Variants in GXYLT1 observed in about 807,000 individuals in gnomAD.
The protein encoded by GXYLT1 is glucoside xylosyltransferase 1.
A neutral mutation model predicts 54.0 loss-of-function variants in GXYLT1; 29 were observed. The ratio of observed to expected loss-of-function variants is 0.54; its 90% confidence interval spans 0.40 to 0.73. GXYLT1 has a LOEUF of 0.73. Ranked by LOEUF, GXYLT1 falls within the 30% of genes least tolerant of loss-of-function variation. The pLI, the probability that GXYLT1 is intolerant of heterozygous loss-of-function variation, is 0.00. For missense variants in GXYLT1, 490 were observed against 553.4 expected, an observed-to-expected ratio of 0.89 and a Z score of 1.15; for synonymous variants, 176 against 204.1, an observed-to-expected ratio of 0.86 and a Z score of 1.17.
intron 2 of GXYLT1, among the ~76,000 whole-genome samples, chr12:42,129,442 T>A (rs1313154402): frequency 1.3e-5 from 2 of 152,156 alleles, no homozygotes; most frequent in Non-Finnish European, 2.9e-5. Context: ...TATAGATATA[T>A]CTGTAAACGT....
intron 1 of GXYLT1, among the ~76,000 whole-genome samples, chr12:42,138,377 A>G (rs1049240121): frequency 1.3e-5 from 2 of 152,226 alleles, no homozygotes; most frequent in African/African-American, 4.8e-5. Context: ...TTAAATTTCT[A>G]ATTTCATTAA....
chr12:42,127,967 C>T (rs978184030), intron 2 of GXYLT1, among the ~76,000 whole-genome samples: 3 of 152,192 alleles, frequency 2.0e-5, no homozygotes, highest in Non-Finnish European at 4.4e-5. Flanking sequence ...TGAACCTATT[C>T]CCCACCAGTT....
intron 5 of GXYLT1, among the ~76,000 whole-genome samples, chr12:42,098,579 A>C (rs1311818759): frequency 6.6e-6 from 1 of 151,772 alleles, no homozygotes; most frequent in Non-Finnish European, 1.5e-5. Flanking sequence ...ATTGACAAAA[A>C]TCAAGGCTGC....
intron 3 of GXYLT1, among the ~76,000 whole-genome samples, chr12:42,114,549 C>T (rs573303875): frequency 1.1e-4 from 16 of 152,032 alleles, no homozygotes; most frequent in Non-Finnish European, 1.3e-4. Flanking sequence ...ATAAATTCCT[C>T]GACACATACA....
chr12:42,087,724 T>G lies in GXYLT1; in HGVS notation c.*62A>C. ...TTCCTGAATACTTCATCCAAGACGA[T>G]TCCTTCACACTTATCTTCTGATTCT... On this transcript the variant is annotated 3_prime_UTR_variant, in exon 8 of 8. Transcript: ENST00000398675. The G allele has an allele frequency of 8.2e-7, 1 of 1,218,456 alleles. No individual in the cohort carries two copies. Among genetic ancestry groups the G allele is most frequent in the Middle Eastern group, 2.7e-4 (1 of 3,654 alleles). The allele number at this position is 1,218,456 out of a possible 1,614,324, so 75.5% of individuals were successfully genotyped here.
intron 1 of GXYLT1, among the ~76,000 whole-genome samples, chr12:42,131,172 G>A (rs949184653): frequency 2.0e-5 from 3 of 152,106 alleles, no homozygotes; most frequent in Non-Finnish European, 2.9e-5. Flanking sequence ...GTTTTTCATC[G>A]TGATTTCTTT....
intron 2 of GXYLT1, among the ~76,000 whole-genome samples, chr12:42,126,321 C>T (rs1265453846): frequency 1.3e-5 from 2 of 152,058 alleles, no homozygotes; most frequent in African/African-American, 2.4e-5. Context: ...GCGATCGGCA[C>T]GCCTTGGCCT....
At position 42,082,626 on chromosome 12, in the gene GXYLT1, ACAC is replaced by A. The variant is rs1335260078; in HGVS notation, c.*5157_*5159del. 5 of 152,130 alleles carry A rather than the reference ACAC, an allele frequency of 3.3e-5. No individual in the cohort carries two copies. The highest frequency in any genetic ancestry group is 2.1e-4 in the South Asian group (1 of 4,812). 9.4% of individuals were successfully genotyped at this position (152,130 alleles called of 1,614,324 possible). A position where few individuals can be genotyped will look rare whatever the true frequency, so the allele number is the denominator to read the frequency against. ...CCTGTGTAGCTAGGACCGCAGGCAAACACCACCACATCTGGATAATTTTTTAAT... is the reference window on the plus strand; with the variant it reads ...CCTGTGTAGCTAGGACCGCAGGCAAACACCACATCTGGATAATTTTTTAAT... On this transcript the variant is annotated 3_prime_UTR_variant, in exon 8 of 8. Coordinates refer to ENST00000398675, the MANE Select transcript of GXYLT1 (RefSeq NM_173601.2).
chr12:42,138,300 A>C (rs2065632460), intron 1 of GXYLT1, among the ~76,000 whole-genome samples: 1 of 151,478 alleles, frequency 6.6e-6, no homozygotes, highest in African/African-American at 2.4e-5. Context: ...TAAATAAATA[A>C]ACAAACAAAC....
chr12:42,135,280 C>T (rs2065613447), intron 1 of GXYLT1, among the ~76,000 whole-genome samples: 1 of 152,176 alleles, frequency 6.6e-6, no homozygotes, highest in African/African-American at 2.4e-5. Flanking sequence ...CAAGCAAAGT[C>T]ATAGCCATAG....
At position 42,087,830 on chromosome 12, in the gene GXYLT1, T is replaced by C. The variant is rs1364283724; in HGVS notation, c.1279A>G (p.Lys427Glu). The C allele has an allele frequency of 8.1e-6, 13 of 1,606,946 alleles. No homozygotes were observed. The highest frequency in any genetic ancestry group is 1.1e-5 in the Non-Finnish European group (13 of 1,177,412). The change falls in exon 8 of 8, where the codon AAA becomes GAA. Residue 427 changes from lysine to glutamate, a missense_variant. Around this residue, in one of 2 missense-constraint regions of GXYLT1, gnomAD observed 342 missense variants for 342.6 expected, o/e 1.00. Transcript: ENST00000398675. ...IYKIFIKQLA[K>E]SVRDRYARSP... The stretch of plus-strand genomic sequence containing the variant: ...CTGGCATAACGATCTCTTACACTTT[T>C]TGCTAGTTGTTTGATAAATATTTTG...
At chr12:42,095,045 TAA>T (rs1443684450) in intron 7 of GXYLT1, among the ~76,000 whole-genome samples, 1 of 152,128 alleles carries the variant, frequency 6.6e-6, no homozygotes, top group Non-Finnish European at 1.5e-5. Flanking sequence ...CATAAATATA[TAA>T]AAAGATTAAA....
intron 1 of GXYLT1, among the ~76,000 whole-genome samples, chr12:42,132,830 G>C (rs543219436): frequency 1.3e-4 from 19 of 151,888 alleles, no homozygotes; most frequent in Admixed American, 1.2e-3. Context: ...ACAGACATGA[G>C]AATTAAATTC....
At chr12:42,128,861 G>A (rs2065578417) in intron 2 of GXYLT1, among the ~76,000 whole-genome samples, 2 of 151,934 alleles carry the variant, frequency 1.3e-5, no homozygotes, top group Admixed American at 6.6e-5. Flanking sequence ...AATTTGTAGA[G>A]ACAGGGTCTT....
intron 2 of GXYLT1, 76 bp from the exon 3 acceptor site, chr12:42,119,247 A>C (rs1409781980): frequency 7.9e-7 from 1 of 1,260,392 alleles, no homozygotes; most frequent in Non-Finnish European, 1.1e-6. Context: ...ATGCTCAAAA[A>C]GTGAAGCTCA....
Position 42,106,045 on chromosome 12 carries a change from G to A in GXYLT1, c.637C>T (p.Leu213=), listed in dbSNP as rs760689083. ...LPLILKEVDS[L]LYVDTDILFL... ...AGGATATCAGTGTCGACATACAATA[G>A]TGAGTCAACTTCTTTCAGGATTAAC... Residue 213 remains leucine (L), a synonymous_variant, in exon 5 of 8, where the codon CTA becomes TTA. Coordinates refer to ENST00000398675, the MANE Select transcript of GXYLT1 (RefSeq NM_173601.2). The A allele has an allele frequency of 6.2e-7, 1 of 1,607,356 alleles. No homozygotes were observed. Among genetic ancestry groups the A allele is most frequent in the South Asian group, 1.1e-5 (1 of 90,816 alleles).
In GXYLT1 at chr12:42,085,124, T is replaced by C. The variant is rs566548384; in HGVS notation, c.*2662A>G. 1 of 101,282 alleles carries C rather than the reference T, an allele frequency of 9.9e-6. No homozygotes were observed. Among genetic ancestry groups the C allele is most frequent in the South Asian group, 2.9e-4 (1 of 3,470 alleles). The allele number at this position is 101,282 out of a possible 1,614,324, so 6.3% of individuals were successfully genotyped here. On this transcript the variant is annotated 3_prime_UTR_variant, in exon 8 of 8. Transcript: ENST00000398675. ...TCAAAAGAATTACCTTGTCTAAAGATAAATTCAGAAAATTCATTTAAAAAT... is the reference window on the plus strand; with the variant it reads ...TCAAAAGAATTACCTTGTCTAAAGACAAATTCAGAAAATTCATTTAAAAAT...
In GXYLT1 at chr12:42,144,395, CCG is replaced by C; in HGVS notation, c.221+29_221+30del. ...GCCCGCGCCCAGCGCCCCGCGCCCGCCGCGTCCCCCACACCGGGAACTGCCCG... is the reference window on the plus strand; with the variant it reads ...GCCCGCGCCCAGCGCCCCGCGCCCGCCGTCCCCCACACCGGGAACTGCCCG... On this transcript the variant is annotated intron_variant, in intron 1 of 7. Coordinates refer to ENST00000398675, the MANE Select transcript of GXYLT1 (RefSeq NM_173601.2). The C allele has an allele frequency of 2.2e-6, 3 of 1,338,080 alleles. No individual in the cohort carries two copies. In the South Asian group the frequency reaches 4.6e-5, roughly 21 times the overall value. 82.9% of individuals were successfully genotyped at this position (1,338,080 alleles called of 1,614,324 possible).
rs1382516816 is a variant in GXYLT1 at position 42,082,528 on chromosome 12, G to A, written c.*5258C>T. The A allele has an allele frequency of 1.3e-5, 2 of 152,168 alleles. No homozygotes were observed. Among genetic ancestry groups the A allele is most frequent in the Non-Finnish European group, 2.9e-5 (2 of 68,056 alleles). 9.4% of individuals were successfully genotyped at this position (152,168 alleles called of 1,614,324 possible). On this transcript the variant is annotated 3_prime_UTR_variant, in exon 8 of 8. Coordinates refer to ENST00000398675, the MANE Select transcript of GXYLT1 (RefSeq NM_173601.2). ...GGGTCTCGCTCTGTCACCCAGGCTG[G>A]AGTGCAATGGTGCAATCTTGGCTCT...
Sources: allele counts gnomAD v4.1 joint callset (sites outside exome capture counted in the v4.1 genomes callset), GRCh38; gene constraint gnomAD v4.1.1; regional missense constraint gnomAD v4.1.1; transcripts MANE v1.5; gene names NCBI Gene and HGNC (gene_info 2026-07-23, HGNC 2026-07-21).